Variants in INTS1 observed in about 807,000 individuals in gnomAD.
INTS1 encodes integrator complex subunit 1.
In INTS1, 137 loss-of-function variants were observed where a neutral mutation model predicts 241.6. That is an observed-to-expected ratio of 0.57 (90% CI 0.49 to 0.65). INTS1 has a LOEUF of 0.65. Among genes scored for constraint, INTS1 ranks in the 30% least tolerant of loss-of-function variants. The probability of loss-of-function intolerance (pLI) is 0.00; values close to 1 mark genes in which losing one functional copy is unlikely to be tolerated. For synonymous variants in INTS1, 1,692 were observed against 1,337.8 expected (o/e 1.26, Z -5.78); for missense variants, 3,073 against 3,032.2 (o/e 1.01, Z -0.32).
Position 1,471,652 on chromosome 7 carries a change from G to A in INTS1, c.6185-11C>T, listed in dbSNP as rs1781473332. On this transcript the variant is annotated splice_polypyrimidine_tract_variant and intron_variant, in intron 44 of 47. Transcript: ENST00000404767. The stretch of plus-strand genomic sequence containing the variant: ...GAACCTCCAGCAGATCTGACACAGA[G>A]AGAGGGCCAGACCAGAACTGAAGGG... The A allele has an allele frequency of 6.2e-7, 1 of 1,604,240 alleles. No homozygotes were observed. The highest frequency in any genetic ancestry group is 8.5e-7 in the Non-Finnish European group (1 of 1,179,448).
Position 1,487,787 on chromosome 7 carries a change from A to C in INTS1, c.2489T>G (p.Leu830Arg). 6.2e-7 allele frequency: 1 copy of C among 1,610,786 alleles called. No individual in the cohort carries two copies. Among genetic ancestry groups the C allele is most frequent in the African/African-American group, 1.3e-5 (1 of 75,050 alleles). The change falls in exon 19 of 48, where the codon CTG becomes CGG. Residue 830 changes from leucine to arginine, a missense_variant. By Grantham distance (102) the Leu-to-Arg change is moderately radical. Coordinates refer to ENST00000404767, the MANE Select transcript of INTS1 (RefSeq NM_001080453.3). ...GGGGTCCAGGCTGGTGAGCTGCGACAGGAGGAGGCTGCTGCTCTCAGTGAT... is the reference window on the plus strand; with the variant it reads ...GGGGTCCAGGCTGGTGAGCTGCGACCGGAGGAGGCTGCTGCTCTCAGTGAT... ...QTITESSSLL[L>R]SQLTSLDPQG... is the part of the protein sequence containing the mutation.
chr7:1,475,484 C>T (rs897383860), intron 39 of INTS1, among the ~76,000 whole-genome samples: 1 of 152,064 alleles, frequency 6.6e-6, no homozygotes, highest in Non-Finnish European at 1.5e-5. Flanking sequence ...AGTCAGCTGC[C>T]CTCTGTGGTA....
intron 5 of INTS1, 86 bp downstream of exon 5, chr7:1,499,798 G>A (rs1427957135): frequency 1.6e-5 from 24 of 1,512,192 alleles, no homozygotes; most frequent in South Asian, 2.6e-5. Context: ...CAGCCCTCTG[G>A]AGAGAACACA....
chr7:1,485,509 T>G (rs1321693605), intron 22 of INTS1, 40 bp from the exon 23 acceptor site: 2 of 1,596,546 alleles, frequency 1.3e-6, no homozygotes, highest in South Asian at 2.2e-5. Context: ...CTTTCGGCAG[T>G]GCAGGCAGGG....
rs763677317 is a variant in INTS1 at position 1,473,612 on chromosome 7, C to G, written c.5911G>C (p.Ala1971Pro). 1.2e-6 allele frequency: 2 copies of G among 1,611,964 alleles called. No individual in the cohort carries two copies. The highest frequency in any genetic ancestry group is 2.2e-5 in the South Asian group (2 of 90,660). Reference protein sequence around the residue: ...QFIHKYITYNAPAAISFLQKH... With the variant: ...QFIHKYITYNPPAAISFLQKH... The stretch of plus-strand genomic sequence containing the variant: ...TGCAGGAAGGAGATGGCTGCTGGGG[C>G]ATTGTAGGTAATGTACTTATGGATG... Residue 1971 changes from alanine (A) to proline (P), a missense_variant, in exon 42 of 48, where the codon GCC becomes CCC. Ala to Pro is a conservative substitution (Grantham distance 27). Coordinates refer to ENST00000404767, the MANE Select transcript of INTS1 (RefSeq NM_001080453.3).
At chr7:1,494,686 G>C (rs1782758291) in intron 14 of INTS1, 130 bp downstream of exon 14, 18 of 848,520 alleles carry the variant, frequency 2.1e-5, no homozygotes, top group South Asian at 2.1e-4. Flanking sequence ...TGTGGAGGAG[G>C]AGCAGGATGG....
chr7:1,498,538 C>G lies in INTS1; in HGVS notation c.1299G>C (p.Ala433=), dbSNP rs143126716. ...FMLCIRELLS[A]HKDNLGTTIK... is the part of the protein sequence containing the mutation. ...TGGTGGTGCCCAGGTTGTCCTTGTG[C>G]GCGCTCAGCAGCTCCCTGGGTGAGG... Residue 433 remains alanine (A), a synonymous_variant, in exon 10 of 48, where the codon GCG becomes GCC. Transcript: ENST00000404767. 2 of 1,613,740 alleles carry G rather than the reference C, an allele frequency of 1.2e-6. No homozygotes were observed. Among genetic ancestry groups the G allele is most frequent in the Admixed American group, 1.7e-5 (1 of 60,002 alleles).
chr7:1,489,568 T>C (rs947552390), intron 17 of INTS1, 23 bp downstream of exon 17: 10 of 1,553,676 alleles, frequency 6.4e-6, no homozygotes, highest in African/African-American at 2.7e-5. Context: ...CGTGTGCGCA[T>C]GGGGCGGCCA....
intron 3 of INTS1, 87 bp downstream of exon 3, chr7:1,502,814 A>G (rs1301334763): frequency 6.9e-7 from 1 of 1,445,342 alleles, no homozygotes; most frequent in Non-Finnish European, 9.6e-7. Flanking sequence ...TACGGGCAGC[A>G]CTAGGCCTGG....
At position 1,479,295 on chromosome 7, in the gene INTS1, G is replaced by A. The variant is rs1208135595; in HGVS notation, c.4329+135C>T. On this transcript the variant is annotated intron_variant, in intron 31 of 47. Transcript: ENST00000404767. ...AAAAGGGGACCTGCCGCCACTCCCT[G>A]GGGCACTGTCCTTTCTCACTTGGAA... The A allele has an allele frequency of 8.3e-6, 9 of 1,087,486 alleles. No homozygotes were observed. In the Admixed American group the frequency reaches 2.6e-4, roughly 32 times the overall value. The allele number at this position is 1,087,486 out of a possible 1,614,324, so 67.4% of individuals were successfully genotyped here.
chr7:1,489,032 C>A (rs1169887817), intron 18 of INTS1, among the ~76,000 whole-genome samples: 1 of 152,138 alleles, frequency 6.6e-6, no homozygotes, highest in African/African-American at 2.4e-5. Context: ...AGCATCGCAC[C>A]ACCCCCAGCC....
At position 1,476,372 on chromosome 7, in the gene INTS1, C is replaced by T. The variant is rs770264501; in HGVS notation, c.5235G>A (p.Thr1745=). The T allele has an allele frequency of 1.5e-5, 24 of 1,576,410 alleles. No individual in the cohort carries two copies. Among genetic ancestry groups the T allele is most frequent in the Admixed American group, 1.4e-4 (8 of 55,448 alleles). ...CGGCTGTGTCCCCGTCCTGGCTCCG[C>T]GTCTCCGCCTCGGCCAGGATCAGCT... ...LVELILAEAE[T]RSQDGDTAAC... is the part of the protein sequence containing the mutation. The change falls in exon 38 of 48, where the codon ACG becomes ACA. Residue 1745 remains threonine (T), a synonymous_variant. Coordinates refer to ENST00000404767, the MANE Select transcript of INTS1 (RefSeq NM_001080453.3).
At chr7:1,504,218 G>A (rs1783352155) in intron 1 of INTS1, 105 bp downstream of exon 1, 1 of 531,086 alleles carries the variant, frequency 1.9e-6, no homozygotes, top group Non-Finnish European at 3.3e-6. Flanking sequence ...CGCCGGGCTG[G>A]AGGCGGCAGA....
chr7:1,503,931 G>A lies in INTS1; in HGVS notation c.30C>T (p.Arg10=), dbSNP rs1181926895. The change falls in exon 2 of 48, where the codon CGC becomes CGT. Residue 10 remains arginine, a synonymous_variant. Coordinates refer to ENST00000404767, the MANE Select transcript of INTS1 (RefSeq NM_001080453.3). The part of the protein sequence containing the change: MNRAKPTTV[R]RPSAAAKPSG... ...AGGGTTTGGCCGCGGCGCTGGGCCGGCGCACCGTGGTGGGCTTGGCCCGGT... is the reference window on the plus strand; with the variant it reads ...AGGGTTTGGCCGCGGCGCTGGGCCGACGCACCGTGGTGGGCTTGGCCCGGT... The A allele has an allele frequency of 6.4e-7, 1 of 1,571,424 alleles. No individual in the cohort carries two copies.
In INTS1 at chr7:1,490,451, G is replaced by A. The variant is rs117892193; in HGVS notation, c.2166-769C>T. ...GAAAGGGTGTTGGCTCCGGATAAAC[G>A]GACACCACTGAAAGGGTGTCAGCTC... is the stretch of plus-strand genomic sequence containing the variant. On this transcript the variant is annotated intron_variant, in intron 16 of 47. Coordinates refer to ENST00000404767, the MANE Select transcript of INTS1 (RefSeq NM_001080453.3). Among the ~76,000 whole-genome samples the A allele has an allele frequency of 5.7e-4, 87 of 152,262 alleles. 1 individual carries two copies. In the East Asian group the frequency reaches 0.015, roughly 26 times the overall value.
intron 16 of INTS1, 109 bp from the exon 17 acceptor site, chr7:1,489,791 C>A (rs4380839): frequency 0.48 from 346,562 of 728,664 alleles, 87,567 homozygotes; most frequent in African/African-American, 0.77. Context: ...GCTCCCAGCT[C>A]CTCCCGGGAC....
intron 8 of INTS1, 27 bp downstream of exon 8, chr7:1,498,948 G>GCCCCCC: frequency 7.4e-6 from 7 of 946,704 alleles, no homozygotes; most frequent in Non-Finnish European, 5.7e-6. Context: ...CCCCTGCCCC[G>GCCCCCC]CCCACCCCCC....
intron 24 of INTS1, 61 bp from the exon 25 acceptor site, chr7:1,484,231 G>T: frequency 6.5e-7 from 1 of 1,531,500 alleles, no homozygotes; most frequent in South Asian, 1.2e-5. Context: ...CGGCCAGCTG[G>T]GGTGACCTCG....
Position 1,499,338 on chromosome 7 carries a change from G to C in INTS1, c.867C>G (p.Leu289=). The C allele has an allele frequency of 6.3e-7, 1 of 1,596,878 alleles. No individual in the cohort carries two copies. The highest frequency in any genetic ancestry group is 1.1e-5 in the South Asian group (1 of 88,328). Residue 289 remains leucine, a synonymous_variant, in exon 7 of 48, where the codon CTC becomes CTG. Transcript: ENST00000404767. ...LGAGSSPHPS[L]TEEEDSQTEL... ...CCGTCTGGCTGTCCTCCTCCTCCGT[G>C]AGGGAGGGGTGTGGGCTGCTCCCTG...
Sources: gnomAD v4.1 joint callset for allele counts (sites outside exome capture counted in the v4.1 genomes callset) on GRCh38, gnomAD v4.1.1 for gene constraint, MANE v1.5 for transcripts, NCBI Gene and HGNC (gene_info 2026-07-23, HGNC 2026-07-21) for gene names.